Variants in ANO10 observed in about 807,000 individuals in gnomAD.
ANO10 encodes the protein anoctamin 10.
In ANO10, 77 loss-of-function variants were observed where a neutral mutation model predicts 74.7. The observed-to-expected ratio is 1.03, with a 90% CI of 0.86 to 1.25. ANO10 has a LOEUF of 1.25. Ranked by LOEUF, ANO10 falls within the 50% of genes most tolerant of loss-of-function variation. The probability of loss-of-function intolerance (pLI) is 0.00; values close to 1 mark genes in which losing one functional copy is unlikely to be tolerated. For synonymous variants in ANO10, 279 were observed against 284.9 expected, an observed-to-expected ratio of 0.98 and a Z score of 0.21; for missense variants, 721 against 778.1, an observed-to-expected ratio of 0.93 and a Z score of 0.87.
chr3:43,366,577 A>C lies in ANO10; in HGVS notation c.*329T>G. 3 of 419,066 alleles carry C rather than the reference A, an allele frequency of 7.2e-6. No individual in the cohort carries two copies. The highest frequency in any genetic ancestry group is 1.4e-5 in the Non-Finnish European group (3 of 221,900). The allele number at this position is 419,066 out of a possible 1,614,324, so 26.0% of individuals were successfully genotyped here. A position where few individuals can be genotyped will look rare whatever the true frequency, so the allele number is the denominator to read the frequency against. ...TGGGAGTGACACTGCTATGAGGGGA[A>C]CGTGGAGAGCTGGTGGCTCACTCAT... On this transcript the variant is annotated 3_prime_UTR_variant, in exon 13 of 13. Transcript: ENST00000292246.
intron 11 of ANO10, among the ~76,000 whole-genome samples, chr3:43,524,126 G>A (rs552592366): frequency 6.6e-6 from 1 of 152,238 alleles, no homozygotes; most frequent in South Asian, 2.1e-4. Flanking sequence ...AAGAAGAAGA[G>A]GATTGGGAAG....
At chr3:43,605,067 C>T (rs552808665) in intron 2 of ANO10, among the ~76,000 whole-genome samples, 1 of 152,180 alleles carries the variant, frequency 6.6e-6, no homozygotes, top group South Asian at 2.1e-4. Flanking sequence ...ATGTAAAACA[C>T]TAAAACACCC....
chr3:43,557,778 T>C (rs1309863360), intron 9 of ANO10, among the ~76,000 whole-genome samples: 1 of 150,822 alleles, frequency 6.6e-6, no homozygotes, highest in African/African-American at 2.4e-5. Context: ...TATGTGAGTT[T>C]ATCTAGTTGA....
At chr3:43,485,841 C>A in intron 11 of ANO10, 2 of 284,608 alleles carry the variant, frequency 7.0e-6, no homozygotes, top group Admixed American at 4.5e-5. Context: ...AGGCAGCGAC[C>A]CACCACCTTG....
intron 11 of ANO10, among the ~76,000 whole-genome samples, chr3:43,496,973 A>G (rs1185030291): frequency 6.6e-6 from 1 of 152,202 alleles, no homozygotes; most frequent in Non-Finnish European, 1.5e-5. Context: ...TCCTATATTC[A>G]TATACTGCAT....
At chr3:43,683,331 A>G (rs2084226965) in intron 1 of ANO10, among the ~76,000 whole-genome samples, 1 of 152,202 alleles carries the variant, frequency 6.6e-6, no homozygotes, top group Non-Finnish European at 1.5e-5. Context: ...ACCATTCACA[A>G]TTGCTTCAAA....
intron 1 of ANO10, among the ~76,000 whole-genome samples, chr3:43,654,392 G>A (rs1390577293): frequency 6.6e-6 from 1 of 151,880 alleles, no homozygotes. Flanking sequence ...GAATTCAGAG[G>A]GTATATAATC....
chr3:43,478,740 T>G (rs1301827497), intron 11 of ANO10, among the ~76,000 whole-genome samples: 3 of 152,230 alleles, frequency 2.0e-5, no homozygotes, highest in African/African-American at 7.2e-5. Context: ...ACACAGATTA[T>G]TCACACCATA....
At chr3:43,633,772 CGTT>C (rs1352087772) in intron 1 of ANO10, among the ~76,000 whole-genome samples, 1 of 152,004 alleles carries the variant, frequency 6.6e-6, no homozygotes, top group Non-Finnish European at 1.5e-5. Flanking sequence ...CATTATTACT[CGTT>C]GTGTAGCAGT....
chr3:43,454,396 A>C (rs2075032848), intron 11 of ANO10, among the ~76,000 whole-genome samples: 1 of 152,228 alleles, frequency 6.6e-6, no homozygotes, highest in South Asian at 2.1e-4. Flanking sequence ...GGTTATTAAC[A>C]AAACCACTGT....
At chr3:43,370,918 A>G (rs2091587047) in intron 12 of ANO10, among the ~76,000 whole-genome samples, 1 of 152,114 alleles carries the variant, frequency 6.6e-6, no homozygotes, top group Non-Finnish European at 1.5e-5. Context: ...GAGAATTGCA[A>G]TGCTTCCCAC....
chr3:43,366,741 C>G lies in ANO10; in HGVS notation c.*165G>C. The G allele has an allele frequency of 1.4e-6, 1 of 720,490 alleles. No individual in the cohort carries two copies. 44.6% of individuals were successfully genotyped at this position (720,490 alleles called of 1,614,324 possible). On this transcript the variant is annotated 3_prime_UTR_variant, in exon 13 of 13. Coordinates refer to ENST00000292246, the MANE Select transcript of ANO10 (RefSeq NM_018075.5). Reference sequence around the variant, plus strand: ...CCAAGGATCCCGAGCCAAGCCACTGCGAAACTGAGAAGGGTGCTTGCCACA... The same window carrying G: ...CCAAGGATCCCGAGCCAAGCCACTGGGAAACTGAGAAGGGTGCTTGCCACA...
chr3:43,512,392 A>T (rs905026354), intron 11 of ANO10, among the ~76,000 whole-genome samples: 18 of 152,336 alleles, frequency 1.2e-4, no homozygotes, highest in African/African-American at 4.3e-4. Flanking sequence ...TCTGTGCATT[A>T]TTTTAAAATA....
chr3:43,464,946 A>C (rs1490855810), intron 11 of ANO10, among the ~76,000 whole-genome samples: 1 of 152,226 alleles, frequency 6.6e-6, no homozygotes, highest in Non-Finnish European at 1.5e-5. Context: ...CAGGAACAAA[A>C]CAAGAATGAT....
intron 11 of ANO10, among the ~76,000 whole-genome samples, chr3:43,512,924 G>C (rs2077563951): frequency 6.6e-6 from 1 of 152,160 alleles, no homozygotes; most frequent in African/African-American, 2.4e-5. Context: ...AAAGTCTCCA[G>C]GCCACAGTGC....
chr3:43,577,570 AC>A (rs1394719705), intron 5 of ANO10, among the ~76,000 whole-genome samples: 4 of 152,126 alleles, frequency 2.6e-5, no homozygotes, highest in Non-Finnish European at 5.9e-5. Context: ...CTTGTAGCTT[AC>A]CCAAAATCTC....
intron 1 of ANO10, among the ~76,000 whole-genome samples, chr3:43,635,649 C>A (rs2149561063): frequency 6.8e-6 from 1 of 146,280 alleles, no homozygotes; most frequent in South Asian, 2.1e-4. Flanking sequence ...GAGACGGAGT[C>A]TCGCTCTTTT....
At chr3:43,472,735 C>T (rs2075913393) in intron 11 of ANO10, 1 of 151,962 alleles carries the variant, frequency 6.6e-6, no homozygotes, top group Non-Finnish European at 1.5e-5. Context: ...TAAATATAGA[C>T]CAGATTTTAG....
At chr3:43,525,556 T>C (rs17075757) in intron 11 of ANO10, among the ~76,000 whole-genome samples, 6,066 of 152,264 alleles carry the variant, frequency 0.04, 373 homozygotes, top group African/African-American at 0.14. Context: ...GAGGCACAGT[T>C]AACCCCATGG....
Sources: allele counts gnomAD v4.1 joint callset (sites outside exome capture counted in the v4.1 genomes callset), GRCh38; gene constraint gnomAD v4.1.1; transcripts MANE v1.5; gene names NCBI Gene and HGNC (gene_info 2026-07-23, HGNC 2026-07-21).